OTOA: variants seen among roughly 807,000 people sequenced by gnomAD.
OTOA encodes the protein cancer/testis antigen 108.
In OTOA, 70 loss-of-function variants were observed where a neutral mutation model predicts 110.8. The ratio of observed to expected loss-of-function variants is 0.63; its 90% CI spans 0.52 to 0.77. The LOEUF (loss-of-function observed/expected upper bound fraction) is 0.77. Ranked by LOEUF, OTOA falls within the 30% of genes least tolerant of loss-of-function variation. The pLI is 0.00. For missense variants in OTOA, 917 were observed against 1,075.8 expected (o/e 0.85, Z 2.06); for synonymous variants, 373 against 431.5 (o/e 0.86, Z 1.68).
chr16:21,722,278 A>T (rs1898777220), intron 17 of OTOA, among the ~76,000 whole-genome samples: 1 of 150,364 alleles, frequency 6.7e-6, no homozygotes, highest in Non-Finnish European at 1.5e-5. Flanking sequence ...AACAAAAAAA[A>T]AAAACACAAG....
chr16:21,710,251 A>G (rs1898315907), intron 13 of OTOA, 148 bp downstream of exon 13: 1 of 927,112 alleles, frequency 1.1e-6, no homozygotes, highest in Non-Finnish European at 1.6e-6. Flanking sequence ...GGGAAGTCCA[A>G]CATCGAGGTG....
At chr16:21,759,472 ATTT>A (rs1182150346) in intron 28 of OTOA, among the ~76,000 whole-genome samples, 5 of 125,590 alleles carry the variant, frequency 4.0e-5, no homozygotes, top group Admixed American at 8.0e-5. Flanking sequence ...AGTTGTTTCT[ATTT>A]TTTTTTTTTT....
chr16:21,666,406 A>G (rs1017325912), intron 1 of OTOA, among the ~76,000 whole-genome samples: 11 of 152,080 alleles, frequency 7.2e-5, no homozygotes, highest in Non-Finnish European at 1.5e-4. Context: ...TCCCAGCAGG[A>G]GGGGAACCTC....
chr16:21,680,643 A>G (rs1157532918), intron 5 of OTOA, among the ~76,000 whole-genome samples: 1 of 152,176 alleles, frequency 6.6e-6, no homozygotes, highest in Non-Finnish European at 1.5e-5. Flanking sequence ...GCTTAAGGCC[A>G]GGAGTTCCAG....
In OTOA at chr16:21,719,410, T is replaced by C. The variant is rs1898657927; in HGVS notation, c.1712T>C (p.Val571Ala). The change falls in exon 17 of 29, where the codon GTG becomes GCG. Residue 571 changes from valine (V) to alanine (A), a missense_variant. Transcript: ENST00000646100. ...AGTGCTGGGCAGCTGGTCAAAGGCG[T>C]GACCTGCTCACACATTGATGCCATG... ...LLSAGQLVKG[V>A]TCSHIDAMST... The C allele has an allele frequency of 2.5e-6, 4 of 1,614,150 alleles. No individual in the cohort carries two copies. The highest frequency in any genetic ancestry group is 3.4e-6 in the Non-Finnish European group (4 of 1,179,994).
intron 13 of OTOA, among the ~76,000 whole-genome samples, chr16:21,710,519 GAC>G (rs1374803725): frequency 1.3e-5 from 2 of 152,132 alleles, no homozygotes; most frequent in East Asian, 3.8e-4. Flanking sequence ...ATTCTTGGGA[GAC>G]ACAAATATTT....
At chr16:21,684,310 C>A in intron 6 of OTOA, 2 of 1,341,286 alleles carry the variant, frequency 1.5e-6, no homozygotes, top group African/African-American at 1.5e-5. Context: ...TCACACTGGG[C>A]ATGTCTGTTT....
intron 2 of OTOA, 66 bp downstream of exon 2, chr16:21,678,671 A>ACT (rs1966868201): frequency 7.1e-7 from 1 of 1,412,592 alleles, no homozygotes; most frequent in Non-Finnish European, 1.0e-6. Context: ...GGTGGGATAG[A>ACT]TACATTAGGT....
chr16:21,692,942 A>AG (rs1555497702), intron 9 of OTOA, among the ~76,000 whole-genome samples: 7 of 148,776 alleles, frequency 4.7e-5, no homozygotes, highest in East Asian at 3.9e-4. Flanking sequence ...AAAAAAAAAA[A>AG]AAAGAAAGAA....
chr16:21,714,662 C>T (rs1898494215), intron 13 of OTOA, among the ~76,000 whole-genome samples: 1 of 152,026 alleles, frequency 6.6e-6, no homozygotes, highest in South Asian at 2.1e-4. Flanking sequence ...CAGGAACCTG[C>T]TACCATGCCT....
chr16:21,720,121 A>T (rs1038713944), intron 17 of OTOA, among the ~76,000 whole-genome samples: 1 of 151,856 alleles, frequency 6.6e-6, no homozygotes, highest in African/African-American at 2.4e-5. Flanking sequence ...ATGCCTGGCT[A>T]ATTTATTTAT....
At chr16:21,716,652 T>G (rs1027598320) in intron 14 of OTOA, among the ~76,000 whole-genome samples, 2 of 151,984 alleles carry the variant, frequency 1.3e-5, no homozygotes, top group Non-Finnish European at 2.9e-5. Flanking sequence ...CCCATACAGT[T>G]AAAATAAAGA....
intron 1 of OTOA, among the ~76,000 whole-genome samples, chr16:21,673,399 G>C (rs1189033344): frequency 6.6e-6 from 1 of 152,066 alleles, no homozygotes; most frequent in African/African-American, 2.4e-5. Flanking sequence ...TAATGTATCA[G>C]CTACCCTAAT....
At chr16:21,676,672 C>G (rs184265436) in intron 1 of OTOA, among the ~76,000 whole-genome samples, 44 of 152,306 alleles carry the variant, frequency 2.9e-4, no homozygotes, top group Admixed American at 1.4e-3. Context: ...TCAAAAGACC[C>G]TTCTTCAGAT....
chr16:21,683,726 A>G (rs1966940102), intron 6 of OTOA, among the ~76,000 whole-genome samples: 1 of 151,926 alleles, frequency 6.6e-6, no homozygotes, highest in African/African-American at 2.4e-5. Context: ...ACAAAAACAA[A>G]AAACAGATGT....
chr16:21,704,435 C>T (rs1898113079), intron 11 of OTOA, among the ~76,000 whole-genome samples: 1 of 152,104 alleles, frequency 6.6e-6, no homozygotes, highest in East Asian at 1.9e-4. Context: ...CCAGCTCCAC[C>T]GACTTGCCTT....
At chr16:21,702,725 G>A (rs1898076933) in intron 11 of OTOA, among the ~76,000 whole-genome samples, 2 of 151,992 alleles carry the variant, frequency 1.3e-5, no homozygotes, top group African/African-American at 4.8e-5. Context: ...CGCCAGGCTG[G>A]AGTGCAGTAG....
intron 24 of OTOA, among the ~76,000 whole-genome samples, chr16:21,749,220 A>T (rs1394633204): frequency 1.5e-5 from 2 of 135,954 alleles, no homozygotes; most frequent in Non-Finnish European, 3.3e-5. Context: ...TGTGATGGGG[A>T]TGACTAACAT....
chr16:21,726,448 C>A, intron 18 of OTOA, 75 bp from the exon 19 acceptor site: 2 of 1,582,314 alleles, frequency 1.3e-6, no homozygotes, highest in African/African-American at 1.3e-5. Context: ...AGCTCTTGGG[C>A]AGGCGGACCC....
Sources: gnomAD v4.1 joint callset for allele counts (sites outside exome capture counted in the v4.1 genomes callset) on GRCh38, gnomAD v4.1.1 for gene constraint, MANE v1.5 for transcripts, NCBI Gene and HGNC (gene_info 2026-07-23, HGNC 2026-07-21) for gene names.